The following NAAA variants were observed in gnomAD, a reference collection of about 807,000 sequenced individuals.
The protein encoded by NAAA is N-acylethanolamine-hydrolyzing acid amidase.
NAAA carries 39 observed loss-of-function variants against 44.8 expected under a neutral mutation model. The observed-to-expected ratio is 0.87, with a 90% CI of 0.67 to 1.14. The LOEUF (loss-of-function observed/expected upper bound fraction) is 1.14, where lower values mean the gene tolerates loss of function less well. NAAA is among the 50% of genes most tolerant of loss of function. The pLI is 0.00. For synonymous variants in NAAA, 178 were observed against 191.3 expected, an observed-to-expected ratio of 0.93 and a Z score of 0.58; for missense variants, 460 against 467.8, an observed-to-expected ratio of 0.98 and a Z score of 0.15.
chr4:75,911,449 A>T (rs1233165609), downstream of NAAA: 1 of 465,616 alleles, frequency 2.1e-6, no homozygotes, highest in Admixed American at 2.4e-5. Flanking sequence ...TTATTACTCA[A>T]ATCAGTCTCT....
intron 2 of NAAA, among the ~76,000 whole-genome samples, chr4:75,938,346 T>C (rs1431952429): frequency 6.6e-6 from 1 of 152,214 alleles, no homozygotes; most frequent in African/African-American, 2.4e-5. Context: ...CTTTAATGTG[T>C]TTGAATATGG....
chr4:75,911,092 C>CG (rs988748625), downstream of NAAA, among the ~76,000 whole-genome samples: 1 of 150,816 alleles, frequency 6.6e-6, no homozygotes, highest in Admixed American at 6.6e-5. Flanking sequence ...TTCACAAGGG[C>CG]GGGGGAATAT....
At chr4:75,917,984 A>C (rs1226928182) in intron 9 of NAAA, among the ~76,000 whole-genome samples, 1 of 152,220 alleles carries the variant, frequency 6.6e-6, no homozygotes, top group Non-Finnish European at 1.5e-5. Flanking sequence ...AAAGGTATTC[A>C]GAATTTATTT....
At chr4:75,934,373 T>C (rs990718525) in intron 3 of NAAA, among the ~76,000 whole-genome samples, 1 of 151,942 alleles carries the variant, frequency 6.6e-6, no homozygotes, top group African/African-American at 2.4e-5. Context: ...TAGAGTGCAG[T>C]GGTGCGATCT....
chr4:75,920,031 CA>C, intron 7 of NAAA, 56 bp from the exon 8 acceptor site: 2 of 1,493,088 alleles, frequency 1.3e-6, no homozygotes, highest in Non-Finnish European at 1.9e-6. Context: ...TGAAGCCCAT[CA>C]GCTGTCATTT....
intron 2 of NAAA, among the ~76,000 whole-genome samples, chr4:75,939,523 C>CT (rs2149293138): frequency 6.7e-6 from 1 of 150,190 alleles, no homozygotes; most frequent in Non-Finnish European, 1.5e-5. Flanking sequence ...TCAAGTGATT[C>CT]TCCTGCCTCA....
At chr4:75,936,084 T>C in intron 3 of NAAA, 25 bp downstream of exon 3, 1 of 1,612,232 alleles carries the variant, frequency 6.2e-7, no homozygotes, top group Non-Finnish European at 8.5e-7. Context: ...TTCTGATTTT[T>C]TATCTTATAT....
At chr4:75,928,506 A>G (rs1023354420) in intron 4 of NAAA, among the ~76,000 whole-genome samples, 5 of 152,132 alleles carry the variant, frequency 3.3e-5, no homozygotes, top group African/African-American at 7.2e-5. Flanking sequence ...ATGGGAAACG[A>G]GGAGAGGGAC....
chr4:75,912,078 T>G (rs920075219), downstream of NAAA, among the ~76,000 whole-genome samples: 3 of 152,182 alleles, frequency 2.0e-5, no homozygotes, highest in South Asian at 6.2e-4. Flanking sequence ...AAAGGCGGTT[T>G]CAACAAAAAG....
chr4:75,933,755 C>T (rs1363369129), intron 3 of NAAA, among the ~76,000 whole-genome samples: 1 of 152,024 alleles, frequency 6.6e-6, no homozygotes, highest in Non-Finnish European at 1.5e-5. Flanking sequence ...CAGCCTGGTG[C>T]CTGGTGCGGT....
At chr4:75,939,492 T>G (rs1728034309) in intron 2 of NAAA, among the ~76,000 whole-genome samples, 1 of 150,842 alleles carries the variant, frequency 6.6e-6, no homozygotes, top group Non-Finnish European at 1.5e-5. Context: ...CGCGGCTCGC[T>G]GCAACCTCCG....
intron 5 of NAAA, among the ~76,000 whole-genome samples, chr4:75,923,705 A>G (rs572761843): frequency 4.6e-5 from 7 of 151,870 alleles, no homozygotes; most frequent in Admixed American, 2.0e-4. Flanking sequence ...ACACCTGACT[A>G]ATTTTTGTAT....
At chr4:75,927,391 G>A (rs1365262855) in intron 4 of NAAA, among the ~76,000 whole-genome samples, 2 of 151,950 alleles carry the variant, frequency 1.3e-5, no homozygotes, top group African/African-American at 2.4e-5. Flanking sequence ...GCTGCAGTGA[G>A]CCAAGATCCC....
chr4:75,932,696 G>T (rs1457142293), intron 3 of NAAA, among the ~76,000 whole-genome samples: 2 of 151,648 alleles, frequency 1.3e-5, no homozygotes, highest in African/African-American at 4.8e-5. Context: ...TAAAGACAGG[G>T]TCTCCCTATG....
At chr4:75,931,441 C>T in intron 3 of NAAA, 137 bp from the exon 4 acceptor site, 1 of 575,002 alleles carries the variant, frequency 1.7e-6, no homozygotes, top group Non-Finnish European at 3.0e-6. Context: ...AAATAGTCTT[C>T]TAAGACAGAG....
At chr4:75,936,814 C>G (rs538635468) in intron 2 of NAAA, among the ~76,000 whole-genome samples, 1 of 152,262 alleles carries the variant, frequency 6.6e-6, no homozygotes, top group Non-Finnish European at 1.5e-5. Context: ...TCTCTATGAA[C>G]AGAAGTATTG....
chr4:75,940,599 G>T, intron 1 of NAAA, 145 bp downstream of exon 1: 2 of 921,420 alleles, frequency 2.2e-6, no homozygotes, highest in Non-Finnish European at 3.1e-6. Flanking sequence ...CAACCCGGAC[G>T]CTGCTCAGGG....
At chr4:75,930,893 G>T (rs577794743) in intron 4 of NAAA, among the ~76,000 whole-genome samples, 146 of 152,266 alleles carry the variant, frequency 9.6e-4, no homozygotes, top group African/African-American at 3.4e-3. Context: ...AAGACCACCA[G>T]AAATGGTCTT....
intron 3 of NAAA, among the ~76,000 whole-genome samples, chr4:75,932,565 C>A (rs1727322955): frequency 6.6e-6 from 1 of 152,130 alleles, no homozygotes. Flanking sequence ...TCACTGCAGC[C>A]TCGACCTCCT....
Sources: gnomAD v4.1 joint callset for allele counts (sites outside exome capture counted in the v4.1 genomes callset) on GRCh38, gnomAD v4.1.1 for gene constraint, MANE v1.5 for transcripts, NCBI Gene and HGNC (gene_info 2026-07-23, HGNC 2026-07-21) for gene names.